Variants in ATP5MC1 observed in about 807,000 individuals in gnomAD.
The protein encoded by ATP5MC1 is ATP synthase F(0) complex subunit C1, mitochondrial.
ATP5MC1 carries 4 observed loss-of-function variants against 12.1 expected under a neutral mutation model. The ratio of observed to expected loss-of-function variants is 0.33; its 90% CI spans 0.16 to 0.76. The LOEUF (loss-of-function observed/expected upper bound fraction) is 0.76, where lower values mean the gene tolerates loss of function less well. Ranked by LOEUF, ATP5MC1 falls within the 30% of genes least tolerant of loss-of-function variation. The pLI, the probability that ATP5MC1 is intolerant of heterozygous loss-of-function variation, is 0.61. For missense variants in ATP5MC1, 117 were observed against 172.1 expected (o/e 0.68, Z 1.79); for synonymous variants, 52 against 66.0 (o/e 0.79, Z 1.03).
rs967158489 is a variant in ATP5MC1, at chr17:48,895,860, C to T, written c.*91C>T. On this transcript the variant is annotated 3_prime_UTR_variant, in exon 5 of 5. Transcript: ENST00000393366. ...TGTTAAGCTTTACCATTAAACACAA[C>T]GTTTCTCTAAACCCCTGTCTGTGCC... is the stretch of plus-strand genomic sequence containing the variant. 1.7e-5 allele frequency: 21 copies of T among 1,266,348 alleles called. No homozygotes were observed. Among genetic ancestry groups the T allele is most frequent in the East Asian group, 1.6e-4 (7 of 42,940 alleles). 78.4% of individuals were successfully genotyped at this position (1,266,348 alleles called of 1,614,324 possible).
Position 48,895,324 on chromosome 17 carries a change from G to A in ATP5MC1, c.286G>A (p.Gly96Ser), listed in dbSNP as rs1396936810. The change falls in exon 4 of 5, where the codon GGC becomes AGC. Residue 96 changes from glycine to serine, a missense_variant. Transcript: ENST00000393366. ...IGTVFGSLIIGYARNPSLKQQ... is the reference protein window; with the variant it reads ...IGTVFGSLIISYARNPSLKQQ... Reference sequence around the variant, plus strand: ...AACCGTGTTTGGCAGCTTGATCATTGGCTATGCCAGGTAAGTTTGGGTGGT... The same window carrying A: ...AACCGTGTTTGGCAGCTTGATCATTAGCTATGCCAGGTAAGTTTGGGTGGT... 4 of 1,588,278 alleles carry A rather than the reference G, an allele frequency of 2.5e-6. No individual in the cohort carries two copies. Among genetic ancestry groups the A allele is most frequent in the Admixed American group, 1.7e-5 (1 of 58,848 alleles).
Position 48,892,834 on chromosome 17 carries a change from C to G in ATP5MC1, c.-86C>G, listed in dbSNP as rs570151987. On this transcript the variant is annotated 5_prime_UTR_variant, in exon 1 of 5. Transcript: ENST00000393366. ...TGAGCGCTGAGACCAAGGGCTAAAG[C>G]TGGGAGGTGAGTCTGTCACCTTGAG... is the stretch of plus-strand genomic sequence containing the variant. 6.5e-6 allele frequency: 1 copy of G among 153,868 alleles called. No individual in the cohort carries two copies. Among genetic ancestry groups the G allele is most frequent in the Non-Finnish European group, 1.4e-5 (1 of 69,026 alleles). 9.5% of individuals were successfully genotyped at this position (153,868 alleles called of 1,614,324 possible).
At position 48,894,843 on chromosome 17, in the gene ATP5MC1, A is replaced by T. The variant is rs1391882950; in HGVS notation, c.118-313A>T. Reference sequence around the variant, plus strand: ...TTCAGCTTAAGTTGCCTTTAGACCAAAGTGGGAGGAGAGTTGGAGAATCTG... The same window carrying T: ...TTCAGCTTAAGTTGCCTTTAGACCATAGTGGGAGGAGAGTTGGAGAATCTG... On this transcript the variant is annotated intron_variant, in intron 3 of 4. Transcript: ENST00000393366. 9 of 552,408 alleles carry T rather than the reference A, an allele frequency of 1.6e-5. No homozygotes were observed. The Admixed American group carries it at 2.0e-4, about 12-fold the overall frequency. The allele number at this position is 552,408 out of a possible 1,614,324, so 34.2% of individuals were successfully genotyped here. A position where few individuals can be genotyped will look rare whatever the true frequency, so the allele number is the denominator to read the frequency against.
chr17:48,894,254 C>G, intron 2 of ATP5MC1, 118 bp from the exon 3 acceptor site: 1 of 981,064 alleles, frequency 1.0e-6, no homozygotes, highest in Non-Finnish European at 1.6e-6. Flanking sequence ...AATAAATTGA[C>G]CTTGAAATAC....
rs1232773419 is a variant in ATP5MC1, at chr17:48,895,273, G to A, written c.235G>A (p.Val79Met). 1.2e-6 allele frequency: 2 copies of A among 1,609,520 alleles called. No individual in the cohort carries two copies. Among genetic ancestry groups the A allele is most frequent in the Non-Finnish European group, 1.7e-6 (2 of 1,176,432 alleles). ...FIGAGAATVG[V>M]AGSGAGIGTV... Reference sequence around the variant, plus strand: ...TGGTGCTGGGGCAGCCACAGTTGGTGTGGCTGGTTCAGGGGCTGGCATTGG... The same window carrying A: ...TGGTGCTGGGGCAGCCACAGTTGGTATGGCTGGTTCAGGGGCTGGCATTGG... Residue 79 changes from valine to methionine, a missense_variant, in exon 4 of 5, where the codon GTG becomes ATG. Coordinates refer to ENST00000393366, the MANE Select transcript of ATP5MC1 (RefSeq NM_005175.3).
In ATP5MC1 at chr17:48,895,328, A is replaced by G. The variant is rs1207758956; in HGVS notation, c.290A>G (p.Tyr97Cys). The change falls in exon 4 of 5, where the codon TAT (tyrosine) becomes TGT (cysteine). Residue 97 changes from tyrosine (Y) to cysteine (C), a missense_variant. Transcript: ENST00000393366. ...GTVFGSLIIG[Y>C]ARNPSLKQQL... Reference sequence around the variant, plus strand: ...GTGTTTGGCAGCTTGATCATTGGCTATGCCAGGTAAGTTTGGGTGGTCTAC... The same window carrying G: ...GTGTTTGGCAGCTTGATCATTGGCTGTGCCAGGTAAGTTTGGGTGGTCTAC... The G allele has an allele frequency of 1.3e-6, 2 of 1,587,338 alleles. No homozygotes were observed. Among genetic ancestry groups the G allele is most frequent in the Non-Finnish European group, 8.6e-7 (1 of 1,159,966 alleles).
chr17:48,893,752 G>A lies in ATP5MC1; in HGVS notation c.39+296G>A, dbSNP rs2040549880. 8 of 485,308 alleles carry A rather than the reference G, an allele frequency of 1.6e-5. No individual in the cohort carries two copies. The Admixed American group carries it at 2.1e-4, about 13-fold the overall frequency. 30.1% of individuals were successfully genotyped at this position (485,308 alleles called of 1,614,324 possible). On this transcript the variant is annotated intron_variant, in intron 2 of 4. Coordinates refer to ENST00000393366, the MANE Select transcript of ATP5MC1 (RefSeq NM_005175.3). ...GTGGCTGCACGTTAGAATCATCCAG[G>A]GAACTTTTTAAAATCCTGATGCCTA...
chr17:48,893,464 G>A lies in ATP5MC1; in HGVS notation c.39+8G>A. The A allele has an allele frequency of 6.2e-7, 1 of 1,613,872 alleles. No homozygotes were observed. Among genetic ancestry groups the A allele is most frequent in the Non-Finnish European group, 8.5e-7 (1 of 1,179,984 alleles). Reference sequence around the variant, plus strand: ...TTCATTTCTCCAGCTCTGGTAAGGTGCCGCGCCGCAGTGCTCTGTAGTACC... The same window carrying A: ...TTCATTTCTCCAGCTCTGGTAAGGTACCGCGCCGCAGTGCTCTGTAGTACC... On this transcript the variant is annotated splice_region_variant and intron_variant, in intron 2 of 4. Transcript: ENST00000393366.
At chr17:48,893,667 T>C (rs1192668802) in intron 2 of ATP5MC1, 6 of 616,222 alleles carry the variant, frequency 9.7e-6, no homozygotes, top group Non-Finnish European at 1.4e-5. Flanking sequence ...CTGGATTTGA[T>C]TTTTATCCCC....
intron 3 of ATP5MC1, chr17:48,894,821 A>G (rs2040557266): frequency 1.9e-6 from 1 of 539,364 alleles, no homozygotes; most frequent in Non-Finnish European, 3.5e-6. Flanking sequence ...GGGGTCCTTC[A>G]GCTTAAGTTG....
At chr17:48,895,482 C>G (rs2040564485) in intron 4 of ATP5MC1, 148 bp downstream of exon 4, 1 of 1,362,686 alleles carries the variant, frequency 7.3e-7, no homozygotes, top group East Asian at 2.3e-5. Context: ...CAGCCTGGCT[C>G]ACTTAAACTT....
At chr17:48,894,648 T>C (rs2143733207) in intron 3 of ATP5MC1, 199 bp downstream of exon 3, 2 of 544,456 alleles carry the variant, frequency 3.7e-6, no homozygotes, top group Non-Finnish European at 6.6e-6. Context: ...CATGTGGCTG[T>C]AGTCCCAGTT....
intron 2 of ATP5MC1, 117 bp downstream of exon 2, chr17:48,893,573 G>T: frequency 8.3e-7 from 1 of 1,203,822 alleles, no homozygotes; most frequent in South Asian, 1.3e-5. Flanking sequence ...TCTTTGAGGT[G>T]GCTGTAGGAT....
At chr17:48,894,964 T>TG in intron 3 of ATP5MC1, 192 bp from the exon 4 acceptor site, 1 of 726,748 alleles carries the variant, frequency 1.4e-6, no homozygotes, top group Non-Finnish European at 2.4e-6. Flanking sequence ...TCCCTAGTCC[T>TG]GTCTGCTGTC....
Position 48,895,798 on chromosome 17 carries a change from G to C in ATP5MC1, c.*29G>C, listed in dbSNP as rs2040567978. The C allele has an allele frequency of 6.3e-7, 1 of 1,576,354 alleles. No homozygotes were observed. Among genetic ancestry groups the C allele is most frequent in the Non-Finnish European group, 8.7e-7 (1 of 1,147,594 alleles). The stretch of plus-strand genomic sequence containing the variant: ...TCCATGGGGGGGTCACCGGCCTGTT[G>C]CTACTGCAACTCCACACCATTCTTG... On this transcript the variant is annotated 3_prime_UTR_variant, in exon 5 of 5. Transcript: ENST00000393366.
At chr17:48,894,803 C>G in intron 3 of ATP5MC1, 1 of 529,068 alleles carries the variant, frequency 1.9e-6, no homozygotes, top group Non-Finnish European at 3.6e-6. Flanking sequence ...AAGGAATGTT[C>G]CCAGACAGGG....
intron 3 of ATP5MC1, 98 bp from the exon 4 acceptor site, chr17:48,895,058 A>C: frequency 5.0e-6 from 7 of 1,397,632 alleles, no homozygotes; most frequent in Non-Finnish European, 6.9e-6. Context: ...CAACAGTTTC[A>C]GAGCTCAGGT....
chr17:48,894,376 G>C lies in ATP5MC1; in HGVS notation c.44G>C (p.Arg15Pro), dbSNP rs758016938. The stretch of plus-strand genomic sequence containing the variant: ...TGTGGCTTTCTGATTTTACAGATCC[G>C]CTGTTGTACCAGGGGTCTAATCAGG... ...GALFISPALI[R>P]CCTRGLIRPV... is the part of the protein sequence containing the mutation. Residue 15 changes from arginine to proline, a missense_variant, in exon 3 of 5, where the codon CGC becomes CCC. Arg to Pro is a moderately radical substitution (Grantham distance 103). Transcript: ENST00000393366. 1 of 1,613,614 alleles carries C rather than the reference G, an allele frequency of 6.2e-7. No individual in the cohort carries two copies. Among genetic ancestry groups the C allele is most frequent in the South Asian group, 1.1e-5 (1 of 91,066 alleles).
chr17:48,894,854 G>C (rs1326139521), intron 3 of ATP5MC1: 1 of 563,526 alleles, frequency 1.8e-6, no homozygotes, highest in Non-Finnish European at 3.4e-6. Flanking sequence ...AGTGGGAGGA[G>C]AGTTGGAGAA....
Sources: gnomAD v4.1 joint callset for allele counts on GRCh38, gnomAD v4.1.1 for gene constraint, MANE v1.5 for transcripts, NCBI Gene and HGNC (gene_info 2026-07-23, HGNC 2026-07-21) for gene names.